NCKAP5: variants seen among roughly 807,000 people sequenced by gnomAD.
The protein encoded by NCKAP5 is NCK associated protein 5.
A neutral mutation model predicts 167.0 loss-of-function variants in NCKAP5; 92 were observed. The observed-to-expected ratio is 0.55, with a 90% CI of 0.47 to 0.66. The LOEUF is 0.66. NCKAP5 is among the 30% of genes least tolerant of loss of function. The pLI, the probability that NCKAP5 is intolerant of heterozygous loss-of-function variation, is 0.00. For missense variants in NCKAP5, 2,378 were observed against 2,315.0 expected (o/e 1.03, Z -0.56); for synonymous variants, 891 against 877.4 (o/e 1.02, Z -0.27).
At chr2:133,176,285 T>A (rs946507660) in intron 5 of NCKAP5, among the ~76,000 whole-genome samples, 1 of 152,232 alleles carries the variant, frequency 6.6e-6, no homozygotes, top group East Asian at 1.9e-4. Context: ...TTAACCTCTA[T>A]AAATGAATTG....
chr2:133,578,554 G>A, the NCKAP5 span, among the ~76,000 whole-genome samples: 56 of 152,236 alleles, frequency 3.7e-4, no homozygotes, highest in East Asian at 1.2e-3. Context: ...GAGCATAAAC[G>A]CCAAGAAATC....
At chr2:133,104,693 A>C (rs968704998) in intron 6 of NCKAP5, among the ~76,000 whole-genome samples, 2 of 152,244 alleles carry the variant, frequency 1.3e-5, no homozygotes, top group Non-Finnish European at 2.9e-5. Flanking sequence ...TGCAATAACA[A>C]AGGTATCCTT....
At chr2:133,077,928 TTA>T (rs1479047063) in intron 6 of NCKAP5, among the ~76,000 whole-genome samples, 3 of 152,204 alleles carry the variant, frequency 2.0e-5, no homozygotes, top group Non-Finnish European at 4.4e-5. Context: ...GATGATGCTT[TTA>T]TGTCTAAGAA....
chr2:132,804,828 A>G (rs1047932328), intron 11 of NCKAP5, among the ~76,000 whole-genome samples: 2 of 152,024 alleles, frequency 1.3e-5, no homozygotes, highest in Non-Finnish European at 2.9e-5. Context: ...TCACAATGCT[A>G]CATATATTTC....
In NCKAP5 at chr2:133,524,327, C is replaced by T. The variant is rs112867069; in HGVS notation, c.-61-6740G>A. Among the ~76,000 whole-genome samples the T allele has an allele frequency of 7.9e-3, 1,200 of 152,162 alleles. 6 individuals carry two copies. Among genetic ancestry groups the T allele is most frequent in the African/African-American group, 0.028 (1,150 of 41,508 alleles). On this transcript the variant is annotated intron_variant, in intron 2 of 19. Coordinates refer to ENST00000409261, the MANE Select transcript of NCKAP5 (RefSeq NM_207363.3). ...AATTTTTAATCTGCAAACCCTGACC[C>T]CAAAGAAAAGAAATGTTAGATACAA...
At position 132,671,994 on chromosome 2, in the gene NCKAP5, A is replaced by G. The variant is rs1183232947; in HGVS notation, c.*1295T>C. Reference sequence around the variant, plus strand: ...AAGTAGCCATATAGATCCTAAAAATATTTCTATTGGGCCTAGTTTACAAGC... The same window carrying G: ...AAGTAGCCATATAGATCCTAAAAATGTTTCTATTGGGCCTAGTTTACAAGC... On this transcript the variant is annotated 3_prime_UTR_variant, in exon 20 of 20. Coordinates refer to ENST00000409261, the MANE Select transcript of NCKAP5 (RefSeq NM_207363.3). 1 of 152,656 alleles carries G rather than the reference A, an allele frequency of 6.6e-6. No homozygotes were observed. Among genetic ancestry groups the G allele is most frequent in the Non-Finnish European group, 1.5e-5 (1 of 68,042 alleles). 9.5% of individuals were successfully genotyped at this position (152,656 alleles called of 1,614,324 possible).
At chr2:133,074,722 G>A (rs1045124358) in intron 6 of NCKAP5, among the ~76,000 whole-genome samples, 1 of 152,082 alleles carries the variant, frequency 6.6e-6, no homozygotes, top group Non-Finnish European at 1.5e-5. Flanking sequence ...CACTGAATCA[G>A]CTTAGTAGCA....
chr2:133,328,966 T>C (rs1308308251), intron 3 of NCKAP5, among the ~76,000 whole-genome samples: 1 of 152,150 alleles, frequency 6.6e-6, no homozygotes, highest in African/African-American at 2.4e-5. Context: ...ACCTTGTAGT[T>C]ACTAGGAGCC....
chr2:133,633,456 T>A, the NCKAP5 span, among the ~76,000 whole-genome samples: 1 of 151,980 alleles, frequency 6.6e-6, no homozygotes, highest in African/African-American at 2.4e-5. Flanking sequence ...GAAAAGAGAG[T>A]GTCTCGGAAG....
chr2:133,285,766 G>T (rs528487614), intron 4 of NCKAP5, among the ~76,000 whole-genome samples: 1 of 152,252 alleles, frequency 6.6e-6, no homozygotes, highest in African/African-American at 2.4e-5. Context: ...AATTCACTTT[G>T]GCTGTGGCTG....
intron 11 of NCKAP5, among the ~76,000 whole-genome samples, chr2:132,804,394 C>T (rs1685271921): frequency 6.6e-6 from 1 of 152,174 alleles, no homozygotes; most frequent in Admixed American, 6.5e-5. Context: ...TTAATAAGTG[C>T]TTTCCAATTG....
chr2:132,794,223 C>CACATATATAT (rs1553443700), intron 12 of NCKAP5, among the ~76,000 whole-genome samples: 1 of 21,176 alleles, frequency 4.7e-5, no homozygotes, highest in African/African-American at 1.1e-4. Context: ...AATGTTTATA[C>CACATATATAT]ATATATATAT....
At chr2:132,920,771 G>GTATGTATGTGTGTATATA (rs1553479343) in intron 8 of NCKAP5, among the ~76,000 whole-genome samples, 1 of 31,570 alleles carries the variant, frequency 3.2e-5, no homozygotes, top group African/African-American at 1.1e-4. Flanking sequence ...ATATATGTAT[G>GTATGTATGTGTGTATATA]TATATATATA....
intron 11 of NCKAP5, among the ~76,000 whole-genome samples, chr2:132,809,913 G>A (rs969221716): frequency 2.6e-5 from 4 of 152,140 alleles, no homozygotes; most frequent in African/African-American, 9.7e-5. Context: ...GTTCTGTTTT[G>A]ATGAGTTTCC....
intron 8 of NCKAP5, among the ~76,000 whole-genome samples, chr2:132,932,976 G>C (rs1021611263): frequency 2.0e-5 from 3 of 147,248 alleles, no homozygotes; most frequent in Admixed American, 1.4e-4. Context: ...CCAGGCTGGA[G>C]TGCAGTGGAA....
chr2:133,650,843 C>T, the NCKAP5 span, among the ~76,000 whole-genome samples: 2 of 152,190 alleles, frequency 1.3e-5, no homozygotes, highest in East Asian at 3.8e-4. Context: ...GATTGCACCA[C>T]TGCACTCCAG....
At chr2:132,895,099 A>G (rs1250236549) in intron 8 of NCKAP5, among the ~76,000 whole-genome samples, 1 of 152,092 alleles carries the variant, frequency 6.6e-6, no homozygotes, top group Non-Finnish European at 1.5e-5. Flanking sequence ...TGGGAGGCCA[A>G]GGCGGGCGGA....
At chr2:133,171,521 G>A (rs1268898347) in intron 5 of NCKAP5, among the ~76,000 whole-genome samples, 1 of 152,168 alleles carries the variant, frequency 6.6e-6, no homozygotes, top group African/African-American at 2.4e-5. Flanking sequence ...AGAGCACTAT[G>A]TCACATGCAT....
chr2:132,908,520 C>A, intron 8 of NCKAP5, among the ~76,000 whole-genome samples: 1 of 152,194 alleles, frequency 6.6e-6, no homozygotes, highest in East Asian at 1.9e-4. Context: ...TTAGCATAAT[C>A]TTGACTAATA....
Sources: gnomAD v4.1 joint callset for allele counts (sites outside exome capture counted in the v4.1 genomes callset) on GRCh38, gnomAD v4.1.1 for gene constraint, MANE v1.5 for transcripts, NCBI Gene and HGNC (gene_info 2026-07-23, HGNC 2026-07-21) for gene names.